STPG2: variants seen among roughly 807,000 people sequenced by gnomAD.
STPG2 encodes the protein sperm tail PG-rich repeat containing 2, also known as sperm-tail PG-rich repeat-containing protein 2.
STPG2 carries 56 observed loss-of-function variants against 54.2 expected under a neutral mutation model. The observed-to-expected ratio is 1.03, with a 90% CI of 0.83 to 1.29. STPG2 has a LOEUF of 1.29. Among genes scored for constraint, STPG2 ranks in the 50% most tolerant of loss-of-function variants. The probability of loss-of-function intolerance (pLI) is 0.00; values close to 1 mark genes in which losing one functional copy is unlikely to be tolerated. For missense variants in STPG2, 596 were observed against 544.9 expected (o/e 1.09, Z -0.93); for synonymous variants, 200 against 181.8 (o/e 1.10, Z -0.81).
intron 10 of STPG2, among the ~76,000 whole-genome samples, chr4:97,583,222 G>A (rs2148892277): frequency 6.6e-6 from 1 of 152,004 alleles, no homozygotes; most frequent in Middle Eastern, 3.4e-3. Flanking sequence ...CCAGCTACCA[G>A]CTCCACCCCA....
intron 8 of STPG2, among the ~76,000 whole-genome samples, chr4:97,918,535 T>A (rs1239620214): frequency 6.6e-6 from 1 of 152,020 alleles, no homozygotes; most frequent in African/African-American, 2.4e-5. Flanking sequence ...ACTAGTTTTT[T>A]AATTTTCACC....
intron 2 of STPG2, among the ~76,000 whole-genome samples, chr4:98,131,171 T>C (rs1739984258): frequency 6.6e-6 from 1 of 152,122 alleles, no homozygotes; most frequent in Non-Finnish European, 1.5e-5. Context: ...TTTTAACTAC[T>C]CGGTGAATCC....
chr4:97,821,784 T>C (rs1728099093), intron 9 of STPG2, among the ~76,000 whole-genome samples: 1 of 152,210 alleles, frequency 6.6e-6, no homozygotes, highest in African/African-American at 2.4e-5. Flanking sequence ...CCTGAGGCCC[T>C]ATGAGCTGAG....
At chr4:97,826,019 T>C (rs1187841107) in intron 9 of STPG2, among the ~76,000 whole-genome samples, 2 of 152,294 alleles carry the variant, frequency 1.3e-5, no homozygotes, top group Admixed American at 6.5e-5. Context: ...TCAGATTCTA[T>C]AATAGATAAG....
At chr4:97,915,036 ATTTG>A (rs1731820363) in intron 8 of STPG2, among the ~76,000 whole-genome samples, 1 of 152,182 alleles carries the variant, frequency 6.6e-6, no homozygotes, top group Admixed American at 6.5e-5. Context: ...GTATACCACA[ATTTG>A]TTTATCCATT....
At chr4:97,457,455 T>G (rs2148804390) in intron 4 of STPG2, among the ~76,000 whole-genome samples, 1 of 152,286 alleles carries the variant, frequency 6.6e-6, no homozygotes, top group African/African-American at 2.4e-5. Context: ...GGCCACCAAT[T>G]AACATTTAAC....
chr4:97,507,233 G>A (rs938786270), intron 4 of STPG2, among the ~76,000 whole-genome samples: 3 of 151,848 alleles, frequency 2.0e-5, no homozygotes, highest in Non-Finnish European at 2.9e-5. Context: ...AAACCACGAG[G>A]ACACAAACCA....
chr4:98,069,105 G>T (rs943993666), intron 5 of STPG2, among the ~76,000 whole-genome samples: 2 of 151,860 alleles, frequency 1.3e-5, no homozygotes, highest in African/African-American at 4.8e-5. Context: ...TATAAATAAA[G>T]ATATGAGTAT....
chr4:97,878,439 A>T (rs1028358682), intron 8 of STPG2, among the ~76,000 whole-genome samples: 1 of 152,122 alleles, frequency 6.6e-6, no homozygotes, highest in African/African-American at 2.4e-5. Context: ...CATCCTCTTA[A>T]ATCTAGGCAG....
At chr4:97,448,375 T>C (rs1202710140) in intron 4 of STPG2, among the ~76,000 whole-genome samples, 1 of 152,124 alleles carries the variant, frequency 6.6e-6, no homozygotes, top group Non-Finnish European at 1.5e-5. Flanking sequence ...CAGAATGATA[T>C]GGTTTGGCTC....
In STPG2 at chr4:97,550,619, C is replaced by T. The variant is rs1731943556; in HGVS notation, c.462+162080G>A. On this transcript the variant is annotated intron_variant, in intron 4 of 4. Transcript: ENST00000522676. ...ACTATAACTGTGTCCAGAATTGGTT[C>T]CTTCCGGTGGGTTCTTGGTCTCGCT... Among the ~76,000 whole-genome samples the T allele has an allele frequency of 3.3e-5, 5 of 152,072 alleles. No homozygotes were observed. The South Asian group carries it at 1.0e-3, about 32-fold the overall frequency.
intron 10 of STPG2, among the ~76,000 whole-genome samples, chr4:97,571,831 T>A (rs1485594825): frequency 2.6e-5 from 4 of 152,132 alleles, no homozygotes; most frequent in African/African-American, 4.8e-5. Flanking sequence ...TCACAATAAA[T>A]CTCTTCAAAT....
intron 10 of STPG2, among the ~76,000 whole-genome samples, chr4:97,564,410 AT>A (rs1393358038): frequency 1.3e-5 from 2 of 152,182 alleles, no homozygotes; most frequent in African/African-American, 4.8e-5. Context: ...GTGTCTTTTA[AT>A]TGGAGCATTT....
intron 4 of STPG2, chr4:97,490,214 C>T (rs532410287): frequency 5.3e-5 from 8 of 151,224 alleles, no homozygotes; most frequent in African/African-American, 1.9e-4. Flanking sequence ...CCCACCCCTC[C>T]CCCCATTTAT....
intron 5 of STPG2, among the ~76,000 whole-genome samples, chr4:98,047,502 A>G (rs77786181): frequency 0.012 from 1,771 of 152,214 alleles, 29 homozygotes; most frequent in African/African-American, 0.041. Context: ...ACTCTGCATT[A>G]AATTCATGGG....
intron 7 of STPG2, among the ~76,000 whole-genome samples, chr4:97,951,349 T>C (rs2149240008): frequency 6.6e-6 from 1 of 152,312 alleles, no homozygotes; most frequent in South Asian, 2.1e-4. Context: ...GAGAACCCAT[T>C]GGGTGGTTAC....
chr4:98,120,719 T>A (rs895743019), intron 3 of STPG2, among the ~76,000 whole-genome samples: 1 of 152,184 alleles, frequency 6.6e-6, no homozygotes, highest in African/African-American at 2.4e-5. Context: ...TTTTGAGGAG[T>A]GTCTGTTCAT....
At chr4:97,561,355 T>A (rs1013376310) in intron 10 of STPG2, among the ~76,000 whole-genome samples, 1 of 152,228 alleles carries the variant, frequency 6.6e-6, no homozygotes, top group Admixed American at 6.5e-5. Flanking sequence ...TAGTCCTTTG[T>A]CAGATAAGTA....
At chr4:97,541,009 T>C (rs1390123994) in intron 4 of STPG2, among the ~76,000 whole-genome samples, 1 of 152,172 alleles carries the variant, frequency 6.6e-6, no homozygotes, top group Non-Finnish European at 1.5e-5. Flanking sequence ...CCACAGCCAA[T>C]ATCATACTGA....
Sources: allele counts gnomAD v4.1 joint callset (sites outside exome capture counted in the v4.1 genomes callset), GRCh38; gene constraint gnomAD v4.1.1; transcripts MANE v1.5; gene names NCBI Gene and HGNC (gene_info 2026-07-23, HGNC 2026-07-21).